Variants in ESRRB observed in about 807,000 individuals in gnomAD.
ESRRB encodes the protein steroid hormone receptor ERR2.
In ESRRB, 16 loss-of-function variants were observed where a neutral mutation model predicts 46.0. The ratio of observed to expected loss-of-function variants is 0.35; its 90% confidence interval spans 0.24 to 0.53. The LOEUF (loss-of-function observed/expected upper bound fraction) is 0.53. Ranked by LOEUF, ESRRB falls within the 20% of genes least tolerant of loss-of-function variation. The probability of loss-of-function intolerance (pLI) is 0.93; values close to 1 mark genes in which losing one functional copy is unlikely to be tolerated. For missense variants in ESRRB, 488 were observed against 607.4 expected (o/e 0.80, Z 2.07); for synonymous variants, 246 against 259.6 (o/e 0.95, Z 0.50).
intron 1 of ESRRB, among the ~76,000 whole-genome samples, chr14:76,354,551 T>C (rs1036686653): frequency 2.6e-5 from 4 of 151,558 alleles, no homozygotes; most frequent in Non-Finnish European, 4.4e-5. Flanking sequence ...GTGACCCAAA[T>C]GGGAGACACT....
At chr14:76,343,738 G>A (rs1884217976) in intron 1 of ESRRB, among the ~76,000 whole-genome samples, 1 of 152,228 alleles carries the variant, frequency 6.6e-6, no homozygotes, top group Admixed American at 6.5e-5. Context: ...ACCTAGCCTT[G>A]GAAATTATGC....
chr14:76,384,175 T>C (rs117483314), intron 1 of ESRRB, among the ~76,000 whole-genome samples: 88 of 152,304 alleles, frequency 5.8e-4, no homozygotes, highest in Non-Finnish European at 9.7e-4. Context: ...TTAGCTTCAC[T>C]CTTTGTCATT....
chr14:76,379,670 G>A (rs557294276), intron 1 of ESRRB, among the ~76,000 whole-genome samples: 3 of 152,300 alleles, frequency 2.0e-5, no homozygotes, highest in African/African-American at 4.8e-5. Flanking sequence ...GCCTGAAGGC[G>A]ATGAACTGGG....
At chr14:76,312,189 T>C (rs1883746262) in intron 1 of ESRRB, among the ~76,000 whole-genome samples, 1 of 152,180 alleles carries the variant, frequency 6.6e-6, no homozygotes, top group Admixed American at 6.5e-5. Flanking sequence ...CAGATATGCC[T>C]GTATTATTTT....
chr14:76,377,739 C>G (rs1411271134), intron 1 of ESRRB, among the ~76,000 whole-genome samples: 1 of 152,020 alleles, frequency 6.6e-6, no homozygotes, highest in Non-Finnish European at 1.5e-5. Flanking sequence ...CAGGAAGTAC[C>G]TAACCCCTCT....
intron 1 of ESRRB, among the ~76,000 whole-genome samples, chr14:76,358,173 G>C (rs947681196): frequency 6.6e-5 from 10 of 151,664 alleles, no homozygotes; most frequent in Admixed American, 4.6e-4. Flanking sequence ...TTATCCAGGC[G>C]TGGTGGCGGG....
intron 1 of ESRRB, among the ~76,000 whole-genome samples, chr14:76,314,686 G>A (rs960861513): frequency 3.9e-5 from 6 of 152,090 alleles, no homozygotes; most frequent in Non-Finnish European, 7.3e-5. Flanking sequence ...CCAGGTAAAG[G>A]CAGGTGAAGA....
chr14:76,351,310 G>T (rs945711426), intron 1 of ESRRB, among the ~76,000 whole-genome samples: 2 of 152,214 alleles, frequency 1.3e-5, no homozygotes, highest in South Asian at 4.1e-4. Context: ...CAAGATCAAG[G>T]TATGGGCAGT....
At chr14:76,354,912 T>C (rs1356004269) in intron 1 of ESRRB, among the ~76,000 whole-genome samples, 4 of 151,894 alleles carry the variant, frequency 2.6e-5, no homozygotes, top group Non-Finnish European at 5.9e-5. Context: ...ACGTTCACCA[T>C]GTTGGCCAGG....
intron 1 of ESRRB, among the ~76,000 whole-genome samples, chr14:76,312,372 T>G (rs1268140475): frequency 6.6e-6 from 1 of 152,148 alleles, no homozygotes; most frequent in Non-Finnish European, 1.5e-5. Flanking sequence ...GGTTCCATGT[T>G]TTCAGCTGTA....
chr14:76,422,415 G>T (rs1163706969), intron 1 of ESRRB, among the ~76,000 whole-genome samples: 1 of 151,924 alleles, frequency 6.6e-6, no homozygotes, highest in Admixed American at 6.6e-5. Context: ...GTTTCACCAT[G>T]TTGGCCAGGA....
intron 1 of ESRRB, among the ~76,000 whole-genome samples, chr14:76,428,712 G>A (rs1255676136): frequency 6.6e-6 from 1 of 152,164 alleles, no homozygotes; most frequent in Admixed American, 6.5e-5. Flanking sequence ...GCCTCCAATT[G>A]TCTCTTCCTG....
chr14:76,471,861 C>T (rs1954631960), intron 3 of ESRRB, among the ~76,000 whole-genome samples: 1 of 152,182 alleles, frequency 6.6e-6, no homozygotes, highest in African/African-American at 2.4e-5. Context: ...TTGCACTCAG[C>T]TGGAGTGCAT....
intron 1 of ESRRB, among the ~76,000 whole-genome samples, chr14:76,350,694 G>A (rs1164181792): frequency 6.6e-6 from 1 of 152,218 alleles, no homozygotes; most frequent in Non-Finnish European, 1.5e-5. Context: ...GCTGTATCGA[G>A]GCACTTTAGG....
chr14:76,369,875 G>C (rs1047512401), upstream of ESRRB, among the ~76,000 whole-genome samples: 2 of 152,108 alleles, frequency 1.3e-5, no homozygotes, highest in African/African-American at 2.4e-5. Flanking sequence ...CCCATATTTT[G>C]TGGTTTCTCT....
At chr14:76,441,339 G>A (rs187885883) in intron 2 of ESRRB, among the ~76,000 whole-genome samples, 194 of 152,292 alleles carry the variant, frequency 1.3e-3, no homozygotes, top group African/African-American at 4.5e-3. Context: ...AACCCTGGTG[G>A]GTCGCTCTGT....
intron 1 of ESRRB, among the ~76,000 whole-genome samples, chr14:76,386,479 CAG>C (rs1242347041): frequency 8.0e-6 from 1 of 124,340 alleles, no homozygotes; most frequent in African/African-American, 3.1e-5. Context: ...TTTTTTGCGA[CAG>C]AGTCTCACTC....
chr14:76,334,379 G>A (rs986136682), intron 1 of ESRRB, among the ~76,000 whole-genome samples: 3 of 152,158 alleles, frequency 2.0e-5, no homozygotes, highest in Non-Finnish European at 4.4e-5. Flanking sequence ...GATGGGGTAC[G>A]AATCCTGGGC....
chr14:76,319,043 G>C (rs1258067672), intron 1 of ESRRB, among the ~76,000 whole-genome samples: 2 of 152,168 alleles, frequency 1.3e-5, no homozygotes, highest in Non-Finnish European at 2.9e-5. Context: ...TGGGCTTTGG[G>C]GTGACCTGGC....
Sources: gnomAD v4.1 joint callset for allele counts (sites outside exome capture counted in the v4.1 genomes callset) on GRCh38, gnomAD v4.1.1 for gene constraint, MANE v1.5 for transcripts, NCBI Gene and HGNC (gene_info 2026-07-23, HGNC 2026-07-21) for gene names.